The following NEK5 variants were observed in gnomAD, a reference collection of about 807,000 sequenced individuals.
NEK5 encodes the protein serine/threonine-protein kinase Nek5.
Under a neutral mutation model 109.2 loss-of-function variants are expected in NEK5, and 88 were observed. That is an observed-to-expected ratio of 0.81 (90% CI 0.68 to 0.96). NEK5 has a LOEUF of 0.96. Among genes scored for constraint, NEK5 ranks in the 40% least tolerant of loss-of-function variants. The probability of loss-of-function intolerance (pLI) is 0.00; values close to 1 mark genes in which losing one functional copy is unlikely to be tolerated. For missense variants in NEK5, 834 were observed against 920.7 expected, an observed-to-expected ratio of 0.91 and a Z score of 1.22; for synonymous variants, 283 against 299.9, an observed-to-expected ratio of 0.94 and a Z score of 0.58.
chr13:52,079,908 C>T (rs1448343246), intron 17 of NEK5, among the ~76,000 whole-genome samples: 8 of 151,388 alleles, frequency 5.3e-5, no homozygotes, highest in Non-Finnish European at 7.4e-5. Flanking sequence ...GCCTTTGCCC[C>T]GCCGCCCCGT....
At chr13:52,048,031 A>T (rs1400417391) in intron 23 of NEK5, among the ~76,000 whole-genome samples, 1 of 152,204 alleles carries the variant, frequency 6.6e-6, no homozygotes, top group Non-Finnish European at 1.5e-5. Context: ...AGGACAGAAA[A>T]TTACAGCTAG....
At chr13:52,038,556 A>G (rs549007030) in intron 23 of NEK5, among the ~76,000 whole-genome samples, 1 of 152,260 alleles carries the variant, frequency 6.6e-6, no homozygotes. Context: ...ATGGAGATTA[A>G]CAAAGTGGTG....
intron 9 of NEK5, 148 bp downstream of exon 9, chr13:52,104,350 C>T: frequency 5.7e-6 from 4 of 699,060 alleles, no homozygotes; most frequent in Non-Finnish European, 2.6e-6. Context: ...GGACAGCTTT[C>T]CATGTCATCT....
intron 17 of NEK5, among the ~76,000 whole-genome samples, chr13:52,079,755 C>T (rs1346250068): frequency 6.6e-6 from 1 of 151,166 alleles, no homozygotes. Context: ...CTCTGCCCGG[C>T]CGCCCATCGT....
chr13:52,104,529 A>C lies in NEK5; in HGVS notation c.578T>G (p.Val193Gly), dbSNP rs564218747. ...NKTDIWSLGCVLYELCTLKHP... is the reference protein window; with the variant it reads ...NKTDIWSLGCGLYELCTLKHP... The stretch of plus-strand genomic sequence containing the variant: ...TTTAAGTGTGCAGAGCTCATATAAG[A>C]CACAGCCAAGAGACCAAATATCCCT... Residue 193 changes from valine (V) to glycine (G), a missense_variant, in exon 9 of 24, where the codon GTC becomes GGC. Transcript: ENST00000684899. The C allele has an allele frequency of 1.2e-6, 2 of 1,607,166 alleles. No individual in the cohort carries two copies. The highest frequency in any genetic ancestry group is 2.7e-5 in the African/African-American group (2 of 74,938).
At chr13:52,075,130 C>T (rs765041513) in intron 19 of NEK5, among the ~76,000 whole-genome samples, 1 of 152,100 alleles carries the variant, frequency 6.6e-6, no homozygotes, top group Non-Finnish European at 1.5e-5. Flanking sequence ...GGTATATATC[C>T]AAAAGAAAAC....
intron 23 of NEK5, among the ~76,000 whole-genome samples, chr13:52,040,327 C>T (rs1322234248): frequency 2.0e-5 from 3 of 152,034 alleles, no homozygotes; most frequent in Non-Finnish European, 2.9e-5. Flanking sequence ...TCAGATGATC[C>T]GCCCACCTCA....
chr13:52,045,255 G>C (rs921675951), intron 23 of NEK5, among the ~76,000 whole-genome samples: 1 of 147,014 alleles, frequency 6.8e-6, no homozygotes, highest in Non-Finnish European at 1.5e-5. Context: ...TCAGCCTGCC[G>C]AGTAGCTGGG....
chr13:52,077,406 G>C (rs1465821941), intron 17 of NEK5, among the ~76,000 whole-genome samples: 1 of 152,210 alleles, frequency 6.6e-6, no homozygotes, highest in African/African-American at 2.4e-5. Flanking sequence ...GAAAACCAAT[G>C]AGACAAGCCC....
At chr13:52,045,844 G>T (rs1386351342) in intron 23 of NEK5, among the ~76,000 whole-genome samples, 1 of 151,046 alleles carries the variant, frequency 6.6e-6, no homozygotes, top group East Asian at 2.0e-4. Context: ...AGGCTGAGGC[G>T]GGTGGATCAC....
At chr13:52,063,723 C>A (rs1023427364) in intron 21 of NEK5, among the ~76,000 whole-genome samples, 4 of 131,546 alleles carry the variant, frequency 3.0e-5, no homozygotes, top group Non-Finnish European at 7.0e-5. Context: ...TGCCCGGCCG[C>A]GACCCCGTCT....
chr13:52,091,791 T>C (rs1424963687), intron 13 of NEK5, among the ~76,000 whole-genome samples: 1 of 152,190 alleles, frequency 6.6e-6, no homozygotes, highest in African/African-American at 2.4e-5. Flanking sequence ...ATTGTAGATC[T>C]GCAGAAATCT....
intron 23 of NEK5, among the ~76,000 whole-genome samples, chr13:52,037,512 C>T (rs906542222): frequency 6.6e-6 from 1 of 152,100 alleles, no homozygotes; most frequent in South Asian, 2.1e-4. Flanking sequence ...ACATCGAGCT[C>T]TTACTATATG....
intron 20 of NEK5, among the ~76,000 whole-genome samples, chr13:52,066,736 G>A (rs553186288): frequency 3.2e-4 from 49 of 151,648 alleles, no homozygotes; most frequent in African/African-American, 1.0e-3. Context: ...CCCAGAAGGC[G>A]GAGTTTGCAG....
intron 17 of NEK5, among the ~76,000 whole-genome samples, chr13:52,080,556 C>T (rs1366669786): frequency 6.6e-6 from 1 of 152,146 alleles, no homozygotes; most frequent in Non-Finnish European, 1.5e-5. Flanking sequence ...AAGAAAAATT[C>T]TTCTGCCTTG....
intron 16 of NEK5, among the ~76,000 whole-genome samples, chr13:52,085,626 G>A (rs1379049097): frequency 6.6e-6 from 1 of 152,178 alleles, no homozygotes; most frequent in Non-Finnish European, 1.5e-5. Context: ...GCATTCCAGG[G>A]CACTGAGTGT....
chr13:52,076,114 C>A lies in NEK5; in HGVS notation c.1602G>T (p.Arg534Ser). 6.3e-7 allele frequency: 1 copy of A among 1,598,490 alleles called. No homozygotes were observed. The highest frequency in any genetic ancestry group is 8.5e-7 in the Non-Finnish European group (1 of 1,169,922). ...QDIEKDLKQM[R>S]LQNTKESKNP... ...TTTTACTTTCCTTTGTGTTCTGAAG[C>A]CTCATTTGTTTCAAGTCTTTTTCAA... The change falls in exon 18 of 24, where the codon AGG (arginine) becomes AGT (serine). Residue 534 changes from arginine to serine, a missense_variant. Physicochemically the swap from Arg to Ser is moderately radical, Grantham distance 110. Around this residue, in one of 2 missense-constraint regions of NEK5, gnomAD observed 777 missense variants for 824.7 expected, o/e 0.94. Coordinates refer to ENST00000684899, the MANE Select transcript of NEK5 (RefSeq NM_001365552.1).
At chr13:52,078,877 T>C (rs1048513966) in intron 17 of NEK5, among the ~76,000 whole-genome samples, 1 of 152,232 alleles carries the variant, frequency 6.6e-6, no homozygotes, top group Non-Finnish European at 1.5e-5. Context: ...GAGCACTTAT[T>C]GTACAATTGA....
Position 52,048,640 on chromosome 13 carries a change from G to A in NEK5, c.2228+1464C>T, listed in dbSNP as rs143344045. Among the ~76,000 whole-genome samples, 1,005 of 152,252 alleles carry A rather than the reference G, an allele frequency of 6.6e-3. 12 individuals are homozygous for A. The highest frequency in any genetic ancestry group is 0.023 in the African/African-American group (970 of 41,558). The stretch of plus-strand genomic sequence containing the variant: ...TATATACAGGATGGAATACTATTCA[G>A]CTATTAAAAAGAAGGAAATTCTGGC... On this transcript the variant is annotated intron_variant, in intron 23 of 23. Transcript: ENST00000684899.
Sources: gnomAD v4.1 joint callset for allele counts (sites outside exome capture counted in the v4.1 genomes callset) on GRCh38, gnomAD v4.1.1 for gene constraint, gnomAD v4.1.1 regional missense constraint, MANE v1.5 for transcripts, NCBI Gene and HGNC (gene_info 2026-07-23, HGNC 2026-07-21) for gene names.